The following RNF169 variants were observed in gnomAD, a reference collection of about 807,000 sequenced individuals.
RNF169 encodes E3 ubiquitin-protein ligase RNF169.
A neutral mutation model predicts 53.9 loss-of-function variants in RNF169; 24 were observed. That is an observed-to-expected ratio of 0.45 (90% CI 0.32 to 0.63). The LOEUF (loss-of-function observed/expected upper bound fraction) is 0.63. RNF169 is among the 20% of genes least tolerant of loss of function. The pLI, the probability that RNF169 is intolerant of heterozygous loss-of-function variation, is 0.04. For missense variants in RNF169, 883 were observed against 906.2 expected (o/e 0.97, Z 0.33); for synonymous variants, 396 against 363.5 (o/e 1.09, Z -1.02).
At chr11:74,831,539 CATA>C (rs1346389676) in intron 4 of RNF169, 2 of 152,100 alleles carry the variant, frequency 1.3e-5, no homozygotes, top group Non-Finnish European at 2.9e-5. Flanking sequence ...GATTAGAAGA[CATA>C]ATATTGTTAA....
intron 1 of RNF169, among the ~76,000 whole-genome samples, chr11:74,761,518 ATCTC>A (rs1350509260): frequency 4.1e-5 from 6 of 146,254 alleles, no homozygotes; most frequent in Non-Finnish European, 9.1e-5. Flanking sequence ...TGGTGACAAA[ATCTC>A]TCAGCATTTG....
chr11:74,794,790 T>G (rs1333980878), intron 2 of RNF169, among the ~76,000 whole-genome samples: 4 of 152,132 alleles, frequency 2.6e-5, no homozygotes, highest in African/African-American at 9.7e-5. Flanking sequence ...GCTAAATACT[T>G]CAGAGAAGCT....
chr11:74,749,362 G>C lies in RNF169; in HGVS notation c.482G>C (p.Arg161Pro). Residue 161 changes from arginine (R) to proline (P), a missense_variant, in exon 1 of 6, where the codon CGT becomes CCT. Transcript: ENST00000299563. ...AAGPRPEQEP[R>P]AAPAEPDFIF... Reference sequence around the variant, plus strand: ...GGGCCCAGGCCAGAGCAGGAGCCGCGTGCCGCGCCTGCGGAGCCAGGTGGA... The same window carrying C: ...GGGCCCAGGCCAGAGCAGGAGCCGCCTGCCGCGCCTGCGGAGCCAGGTGGA... 8.1e-6 allele frequency: 10 copies of C among 1,238,702 alleles called. No individual in the cohort carries two copies. The Middle Eastern group carries it at 9.7e-4, about 120-fold the overall frequency. 76.7% of individuals were successfully genotyped at this position (1,238,702 alleles called of 1,614,324 possible). A position where few individuals can be genotyped will look rare whatever the true frequency, so the allele number is the denominator to read the frequency against.
chr11:74,811,982 A>G (rs981213615), intron 3 of RNF169, among the ~76,000 whole-genome samples: 10 of 152,188 alleles, frequency 6.6e-5, no homozygotes, highest in Non-Finnish European at 1.5e-4. Context: ...AGAAGGATAA[A>G]CTAGCCTTGA....
chr11:74,820,889 C>G (rs2036000480), intron 4 of RNF169, among the ~76,000 whole-genome samples: 1 of 151,548 alleles, frequency 6.6e-6, no homozygotes, highest in Admixed American at 6.6e-5. Context: ...CTTCCTTGGG[C>G]TCTCTGCCAT....
At chr11:74,751,018 G>A (rs1397772836) in intron 1 of RNF169, among the ~76,000 whole-genome samples, 1 of 151,666 alleles carries the variant, frequency 6.6e-6, no homozygotes, top group African/African-American at 2.4e-5. Flanking sequence ...CCACAGGCAC[G>A]CGCCACCACA....
intron 1 of RNF169, among the ~76,000 whole-genome samples, chr11:74,774,171 C>G (rs2035297862): frequency 6.6e-6 from 1 of 152,040 alleles, no homozygotes; most frequent in Non-Finnish European, 1.5e-5. Context: ...GAAACCCTGT[C>G]TCTGCTAAAA....
intron 4 of RNF169, among the ~76,000 whole-genome samples, chr11:74,827,459 CCTT>C (rs1191835926): frequency 1.3e-5 from 2 of 152,322 alleles, no homozygotes; most frequent in Middle Eastern, 3.4e-3. Flanking sequence ...ACATTTGGCT[CCTT>C]ATTACTTATG....
chr11:74,765,822 AAAAC>A (rs1257477843), intron 1 of RNF169, among the ~76,000 whole-genome samples: 10 of 151,790 alleles, frequency 6.6e-5, no homozygotes, highest in Admixed American at 2.0e-4. Context: ...AAAAAAAACA[AAAAC>A]AAAAACAAAA....
intron 2 of RNF169, among the ~76,000 whole-genome samples, chr11:74,794,582 C>G (rs1415725176): frequency 6.6e-6 from 1 of 151,946 alleles, no homozygotes; most frequent in Non-Finnish European, 1.5e-5. Context: ...AGGGTATGAC[C>G]ATGGAGTAGA....
At chr11:74,813,760 G>C (rs1431545916) in intron 3 of RNF169, among the ~76,000 whole-genome samples, 1 of 152,062 alleles carries the variant, frequency 6.6e-6, no homozygotes. Context: ...GCGTGATCTC[G>C]GCTTACTACC....
chr11:74,788,189 CTTTGAAATTT>C lies in RNF169; in HGVS notation c.503-1430_503-1421del, dbSNP rs2035531629. On this transcript the variant is annotated intron_variant, in intron 1 of 5. Transcript: ENST00000299563. ...GAGCAAAGTCTGTGTAATACAAATTCTTTGAAATTTTTTGAAGCATCTTTATGACCTAATG... is the reference window on the plus strand; with the variant it reads ...GAGCAAAGTCTGTGTAATACAAATTCTTTGAAGCATCTTTATGACCTAATG... Among the ~76,000 whole-genome samples the C allele has an allele frequency of 2.0e-5, 3 of 152,170 alleles. No individual in the cohort carries two copies. The South Asian group carries it at 6.2e-4, about 32-fold the overall frequency.
intron 4 of RNF169, among the ~76,000 whole-genome samples, chr11:74,825,444 T>C (rs752091242): frequency 2.5e-4 from 38 of 152,156 alleles, no homozygotes; most frequent in Non-Finnish European, 7.3e-5. Flanking sequence ...CTCTTAAGAC[T>C]GAACCAGGAA....
chr11:74,757,754 G>T (rs1455838299), intron 1 of RNF169, among the ~76,000 whole-genome samples: 2 of 91,506 alleles, frequency 2.2e-5, no homozygotes, highest in Non-Finnish European at 4.2e-5. Flanking sequence ...GCCAGTGATG[G>T]TGAGCATTTT....
chr11:74,784,977 G>A (rs924453896), intron 1 of RNF169, among the ~76,000 whole-genome samples: 6 of 151,992 alleles, frequency 3.9e-5, no homozygotes, highest in African/African-American at 1.5e-4. Context: ...AGCATAGAGT[G>A]TGCTTTTCAT....
At chr11:74,759,774 T>TG (rs1280794544) in intron 1 of RNF169, among the ~76,000 whole-genome samples, 1 of 149,952 alleles carries the variant, frequency 6.7e-6, no homozygotes, top group East Asian at 2.0e-4. Flanking sequence ...AAATTCTCTT[T>TG]TTTGGTTGTG....
At chr11:74,802,567 C>T (rs1040767754) in intron 2 of RNF169, among the ~76,000 whole-genome samples, 1 of 152,072 alleles carries the variant, frequency 6.6e-6, no homozygotes, top group African/African-American at 2.4e-5. Context: ...GGCTTGAACC[C>T]GAGAGGTGGA....
At chr11:74,801,549 T>A (rs967359927) in intron 2 of RNF169, among the ~76,000 whole-genome samples, 1 of 152,256 alleles carries the variant, frequency 6.6e-6, no homozygotes, top group African/African-American at 2.4e-5. Flanking sequence ...GCTTGTATTA[T>A]ATTCCTTTCA....
At chr11:74,799,157 C>T (rs1415333404) in intron 2 of RNF169, among the ~76,000 whole-genome samples, 5 of 148,656 alleles carry the variant, frequency 3.4e-5, no homozygotes, top group South Asian at 2.2e-4. Flanking sequence ...TGAAGAAATG[C>T]CCACTTTTAG....
Sources: gnomAD v4.1 joint callset for allele counts (sites outside exome capture counted in the v4.1 genomes callset) on GRCh38, gnomAD v4.1.1 for gene constraint, MANE v1.5 for transcripts, NCBI Gene and HGNC (gene_info 2026-07-23, HGNC 2026-07-21) for gene names.